Variants in USP10 observed in about 807,000 individuals in gnomAD.
USP10 encodes the protein ubiquitin carboxyl-terminal hydrolase 10.
In USP10, 22 loss-of-function variants were observed where a neutral mutation model predicts 84.5. That is an observed-to-expected ratio of 0.26 (90% CI 0.19 to 0.37). The LOEUF is 0.37. Among genes scored for constraint, USP10 ranks in the 10% least tolerant of loss-of-function variants. USP10 has a pLI of 1.00. For missense variants in USP10, 1,019 were observed against 998.9 expected, an observed-to-expected ratio of 1.02 and a Z score of -0.27; for synonymous variants, 454 against 387.6, an observed-to-expected ratio of 1.17 and a Z score of -2.01.
chr16:84,722,778 C>G (rs778457308), intron 1 of USP10, among the ~76,000 whole-genome samples: 1 of 152,066 alleles, frequency 6.6e-6, no homozygotes, highest in Non-Finnish European at 1.5e-5. Context: ...CAGTCTCGAA[C>G]TCCCTAACCT....
At chr16:84,744,319 A>T (rs1910962426) in intron 3 of USP10, among the ~76,000 whole-genome samples, 1 of 152,088 alleles carries the variant, frequency 6.6e-6, no homozygotes, top group Admixed American at 6.6e-5. Flanking sequence ...GTCAGATTCC[A>T]CTGGGGGGTA....
intron 1 of USP10, among the ~76,000 whole-genome samples, chr16:84,717,030 T>C (rs1907114815): frequency 6.6e-6 from 1 of 152,176 alleles, no homozygotes; most frequent in African/African-American, 2.4e-5. Flanking sequence ...TTCTCAAACT[T>C]AAAAGTCCGT....
intron 10 of USP10, among the ~76,000 whole-genome samples, chr16:84,767,591 T>A (rs1050695086): frequency 4.6e-5 from 7 of 152,208 alleles, no homozygotes; most frequent in African/African-American, 7.2e-5. Flanking sequence ...AGCAGCGTTT[T>A]GAGGCCATGG....
At chr16:84,758,918 C>A in intron 5 of USP10, 111 bp downstream of exon 5, 1 of 781,610 alleles carries the variant, frequency 1.3e-6, no homozygotes, top group Non-Finnish European at 2.2e-6. Context: ...CATTTGAATC[C>A]CTAAGTCTGG....
chr16:84,759,796 C>T (rs749602667), intron 6 of USP10, 95 bp from the exon 7 acceptor site: 35 of 1,246,258 alleles, frequency 2.8e-5, no homozygotes, highest in Admixed American at 2.7e-4. Flanking sequence ...CTACTATACT[C>T]GTATAGCTGA....
rs756779814 is a variant in USP10 at position 84,772,599 on chromosome 16, T to A, written c.2057T>A (p.Leu686Gln). ...CTCCCTCCTGTCCTCGTGCTGCACCTGAAACGATTCGTTTATGAGAAGACT... is the reference window on the plus strand; with the variant it reads ...CTCCCTCCTGTCCTCGTGCTGCACCAGAAACGATTCGTTTATGAGAAGACT... Reference protein sequence around the residue: ...EKLPPVLVLHLKRFVYEKTGG... With the variant: ...EKLPPVLVLHQKRFVYEKTGG... The change falls in exon 12 of 14, where the codon CTG becomes CAG. Residue 686 changes from leucine to glutamine, a missense_variant. This residue lies in a region of USP10 where 232 missense variants were observed against 290.1 expected (regional missense o/e 0.80). Transcript: ENST00000219473. 6.2e-7 allele frequency: 1 copy of A among 1,614,006 alleles called. No homozygotes were observed. The highest frequency in any genetic ancestry group is 2.2e-5 in the East Asian group (1 of 44,886).
intron 10 of USP10, among the ~76,000 whole-genome samples, chr16:84,765,618 G>A (rs1913766997): frequency 6.6e-6 from 1 of 152,012 alleles, no homozygotes; most frequent in African/African-American, 2.4e-5. Context: ...TATTACAGCT[G>A]AATAGTGTTC....
chr16:84,758,870 T>C lies in USP10; in HGVS notation c.1284+63T>C, dbSNP rs1450290333. The C allele has an allele frequency of 3.2e-6, 4 of 1,232,122 alleles. No individual in the cohort carries two copies. In the East Asian group the frequency reaches 7.0e-5, roughly 21 times the overall value. 76.3% of individuals were successfully genotyped at this position (1,232,122 alleles called of 1,614,324 possible). ...TGCAGCTGTCCCTCCTTTGGGTGCATGTGACTTAGCTCAGCTTCCGTGGGC... is the reference window on the plus strand; with the variant it reads ...TGCAGCTGTCCCTCCTTTGGGTGCACGTGACTTAGCTCAGCTTCCGTGGGC... On this transcript the variant is annotated intron_variant, in intron 5 of 13. Coordinates refer to ENST00000219473, the MANE Select transcript of USP10 (RefSeq NM_005153.3).
chr16:84,738,202 G>A lies in USP10; in HGVS notation c.91-2107G>A, dbSNP rs114023582. Among the ~76,000 whole-genome samples the A allele has an allele frequency of 2.0e-3, 310 of 152,250 alleles. 1 individual carries two copies. Among genetic ancestry groups the A allele is most frequent in the African/African-American group, 7.0e-3 (290 of 41,532 alleles). ...TTTCCTTCAGCATTCTCTCTTCCCC[G>A]AGCAGAACAGAATACTGGGAAGTGT... is the stretch of plus-strand genomic sequence containing the variant. On this transcript the variant is annotated intron_variant, in intron 2 of 13. Transcript: ENST00000219473.
At position 84,779,147 on chromosome 16, in the gene USP10, C is replaced by G; in HGVS notation, c.*65C>G. 1.3e-6 allele frequency: 2 copies of G among 1,542,860 alleles called. No homozygotes were observed. Among genetic ancestry groups the G allele is most frequent in the Non-Finnish European group, 1.8e-6 (2 of 1,135,772 alleles). ...TAGGACACCACCTCACACTCACTTC[C>G]CGCCTCTCTTTAGTGGCTCTTTAGA... On this transcript the variant is annotated 3_prime_UTR_variant, in exon 14 of 14. Transcript: ENST00000219473.
chr16:84,742,891 TA>T, intron 3 of USP10, among the ~76,000 whole-genome samples: 1 of 152,350 alleles, frequency 6.6e-6, no homozygotes, highest in East Asian at 1.9e-4. Flanking sequence ...TATGTTCTGA[TA>T]AGATTGAGAA....
In USP10 at chr16:84,744,679, A is replaced by C; in HGVS notation, c.198A>C (p.Glu66Asp). Residue 66 changes from glutamate (E) to aspartate (D), a missense_variant, in exon 4 of 14, where the codon GAA (glutamate) becomes GAC (aspartate). This residue lies in a region of USP10 where 787 missense variants were observed against 708.8 expected (regional missense o/e 1.11). Coordinates refer to ENST00000219473, the MANE Select transcript of USP10 (RefSeq NM_005153.3). The part of the protein sequence containing the change: ...RIEFGVDEVI[E>D]PSDTLPRTPS... ...AGTTTGGTGTCGATGAAGTCATTGA[A>C]CCCAGTGACACTTTGCCGAGAACCC... is the stretch of plus-strand genomic sequence containing the variant. 1.2e-6 allele frequency: 2 copies of C among 1,613,252 alleles called. No individual in the cohort carries two copies. The highest frequency in any genetic ancestry group is 1.7e-6 in the Non-Finnish European group (2 of 1,179,504).
chr16:84,772,412 C>T, intron 11 of USP10, 129 bp from the exon 12 acceptor site: 2 of 1,298,222 alleles, frequency 1.5e-6, no homozygotes, highest in South Asian at 2.8e-5. Flanking sequence ...GCAGGAAAAG[C>T]CATGAAGTCC....
At chr16:84,716,721 C>T (rs116256015) in intron 1 of USP10, among the ~76,000 whole-genome samples, 1,915 of 152,148 alleles carry the variant, frequency 0.013, 48 homozygotes, top group African/African-American at 0.045. Context: ...CTTAGGTGCA[C>T]GACCTTCGGC....
chr16:84,731,096 C>G (rs1597322231), intron 1 of USP10, among the ~76,000 whole-genome samples: 1 of 149,586 alleles, frequency 6.7e-6, no homozygotes, highest in African/African-American at 2.5e-5. Context: ...TCTCCTGCAT[C>G]AGCCTCCTGA....
intron 1 of USP10, among the ~76,000 whole-genome samples, chr16:84,730,234 A>G (rs1401603266): frequency 6.6e-6 from 1 of 152,178 alleles, no homozygotes; most frequent in Non-Finnish European, 1.5e-5. Context: ...CTATATTATT[A>G]ACAAACACAA....
At chr16:84,743,746 C>G (rs879471670) in intron 3 of USP10, among the ~76,000 whole-genome samples, 4 of 152,146 alleles carry the variant, frequency 2.6e-5, no homozygotes, top group Non-Finnish European at 5.9e-5. Context: ...GAGGTGTAAA[C>G]TATAAAAATA....
intron 4 of USP10, among the ~76,000 whole-genome samples, chr16:84,747,074 G>A (rs1345162632): frequency 6.6e-6 from 1 of 152,230 alleles, no homozygotes; most frequent in Non-Finnish European, 1.5e-5. Flanking sequence ...CTAGAATCTT[G>A]TGGGACCATC....
intron 1 of USP10, among the ~76,000 whole-genome samples, chr16:84,707,418 A>G (rs1905678369): frequency 6.6e-6 from 1 of 152,220 alleles, no homozygotes; most frequent in African/African-American, 2.4e-5. Context: ...TAAGACACGA[A>G]AACAGCACAG....
Sources: allele counts gnomAD v4.1 joint callset (sites outside exome capture counted in the v4.1 genomes callset), GRCh38; gene constraint gnomAD v4.1.1; regional missense constraint gnomAD v4.1.1; transcripts MANE v1.5; gene names NCBI Gene and HGNC (gene_info 2026-07-23, HGNC 2026-07-21).